The following ATP10A variants were observed in gnomAD, a reference collection of about 807,000 sequenced individuals.
ATP10A encodes ATPase phospholipid transporting 10A (putative), also known as phospholipid-transporting ATPase VA.
ATP10A carries 111 observed loss-of-function variants against 147.8 expected under a neutral mutation model. The observed-to-expected ratio is 0.75, with a 90% confidence interval of 0.64 to 0.88. ATP10A has a LOEUF of 0.88. Among genes scored for constraint, ATP10A ranks in the 40% least tolerant of loss-of-function variants. The pLI is 0.00. For missense variants in ATP10A, 1,927 were observed against 1,959.0 expected (o/e 0.98, Z 0.31); for synonymous variants, 875 against 841.6 (o/e 1.04, Z -0.69).
intron 12 of ATP10A, among the ~76,000 whole-genome samples, chr15:25,703,420 C>T (rs933369022): frequency 2.0e-5 from 3 of 152,210 alleles, no homozygotes; most frequent in East Asian, 3.9e-4. Context: ...TGTGAGAACA[C>T]TGCAAGGAGG....
intron 1 of ATP10A, among the ~76,000 whole-genome samples, chr15:25,794,283 C>A (rs1890564114): frequency 6.6e-6 from 1 of 152,100 alleles, no homozygotes; most frequent in Non-Finnish European, 1.5e-5. Flanking sequence ...ACTAACATCA[C>A]CCTGCCCAGA....
intron 2 of ATP10A, among the ~76,000 whole-genome samples, chr15:25,759,412 A>T (rs1035622919): frequency 4.6e-5 from 7 of 152,170 alleles, no homozygotes; most frequent in African/African-American, 1.4e-4. Context: ...TTAAGTTTTT[A>T]AAAAACTGAG....
chr15:25,813,701 G>A (rs1891527525), intron 1 of ATP10A, among the ~76,000 whole-genome samples: 1 of 152,140 alleles, frequency 6.6e-6, no homozygotes, highest in South Asian at 2.1e-4. Context: ...AATTTTTTAA[G>A]ATCCAAATTG....
chr15:25,823,550 A>G (rs1257476263), intron 1 of ATP10A, among the ~76,000 whole-genome samples: 1 of 152,204 alleles, frequency 6.6e-6, no homozygotes, highest in Non-Finnish European at 1.5e-5. Context: ...TTGTATTTCA[A>G]ATGCTAAGAT....
At chr15:25,746,189 A>T (rs989635456) in intron 2 of ATP10A, among the ~76,000 whole-genome samples, 4 of 152,198 alleles carry the variant, frequency 2.6e-5, no homozygotes, top group African/African-American at 9.6e-5. Flanking sequence ...GGCAAAGAGT[A>T]ACAAAAAGAA....
At chr15:25,692,812 T>C (rs544419366) in intron 14 of ATP10A, among the ~76,000 whole-genome samples, 8 of 152,276 alleles carry the variant, frequency 5.3e-5, no homozygotes, top group African/African-American at 1.9e-4. Context: ...TCTTTTTCTT[T>C]TGAGACAGGG....
chr15:25,747,641 G>A (rs11630955), intron 2 of ATP10A, among the ~76,000 whole-genome samples: 52,051 of 151,838 alleles, frequency 0.34, 10,364 homozygotes, highest in Non-Finnish European at 0.45. Context: ...TAAGTAAAAA[G>A]GACAGATTAA....
downstream of ATP10A, among the ~76,000 whole-genome samples, chr15:25,675,778 TATACAAAAAATACAAA>T (rs1461416286): frequency 2.0e-5 from 3 of 152,168 alleles, no homozygotes; most frequent in Non-Finnish European, 4.4e-5. Context: ...AAAGCCCATC[TATACAAAAAATACAAA>T]AATTAGCCGG....
intron 4 of ATP10A, among the ~76,000 whole-genome samples, chr15:25,726,766 G>A (rs1230080818): frequency 6.6e-6 from 1 of 151,456 alleles, no homozygotes; most frequent in Non-Finnish European, 1.5e-5. Flanking sequence ...AAAACGGTGA[G>A]GGAGGCCGGG....
At chr15:25,772,953 C>T (rs770494257) in intron 2 of ATP10A, among the ~76,000 whole-genome samples, 4 of 152,088 alleles carry the variant, frequency 2.6e-5, no homozygotes, top group South Asian at 2.1e-4. Flanking sequence ...CTGGGGTTCA[C>T]GAAGTCATTT....
intron 1 of ATP10A, among the ~76,000 whole-genome samples, chr15:25,807,646 T>C (rs1229521114): frequency 6.6e-6 from 1 of 151,590 alleles, no homozygotes; most frequent in Non-Finnish European, 1.5e-5. Flanking sequence ...CTATGAAAAA[T>C]ACAAAATTAG....
chr15:25,852,517 C>T (rs1893341633), intron 1 of ATP10A, among the ~76,000 whole-genome samples: 1 of 152,146 alleles, frequency 6.6e-6, no homozygotes, highest in African/African-American at 2.4e-5. Context: ...CCCAACCTCA[C>T]CTCTCAATCC....
At chr15:25,734,356 T>A (rs1887140072) in intron 3 of ATP10A, among the ~76,000 whole-genome samples, 1 of 152,230 alleles carries the variant, frequency 6.6e-6, no homozygotes, top group Admixed American at 6.5e-5. Flanking sequence ...TTTATTTATG[T>A]TTTTTGGTGG....
intron 1 of ATP10A, among the ~76,000 whole-genome samples, chr15:25,805,367 T>C (rs760414839): frequency 9.9e-5 from 15 of 152,198 alleles, no homozygotes; most frequent in Non-Finnish European, 1.9e-4. Context: ...GCCTTCATTG[T>C]TGAAAAAAGG....
chr15:25,691,627 A>G, intron 15 of ATP10A, 88 bp downstream of exon 15: 1 of 1,343,450 alleles, frequency 7.4e-7, no homozygotes, highest in Non-Finnish European at 1.1e-6. Context: ...AGTAGAGCCC[A>G]GAGGAAGTCG....
At chr15:25,733,253 C>T (rs1887050178) in intron 3 of ATP10A, among the ~76,000 whole-genome samples, 1 of 152,148 alleles carries the variant, frequency 6.6e-6, no homozygotes, top group Admixed American at 6.5e-5. Flanking sequence ...TGCAGCTGAG[C>T]CACTTCCTGA....
In ATP10A at chr15:25,862,749, G is replaced by A. The variant is rs1454176358; in HGVS notation, c.348C>T (p.Leu116=). 8 of 1,612,128 alleles carry A rather than the reference G, an allele frequency of 5.0e-6. No individual in the cohort carries two copies. The highest frequency in any genetic ancestry group is 6.8e-6 in the Non-Finnish European group (8 of 1,179,312). ...FQPGLALAPV[L]FILAITAFRD... ...TGAAGGCCGTGATGGCCAGGATGAAGAGCACCGGCGCCAGTGCCAGGCCGG... is the reference window on the plus strand; with the variant it reads ...TGAAGGCCGTGATGGCCAGGATGAAAAGCACCGGCGCCAGTGCCAGGCCGG... The change falls in exon 1 of 21, where the codon CTC becomes CTT. Residue 116 remains leucine, a synonymous_variant. Transcript: ENST00000555815.
At chr15:25,838,264 C>G (rs1242707823) in intron 1 of ATP10A, among the ~76,000 whole-genome samples, 1 of 152,170 alleles carries the variant, frequency 6.6e-6, no homozygotes, top group African/African-American at 2.4e-5. Context: ...AAATAAGAGC[C>G]TAAGAGGCCT....
upstream of ATP10A, among the ~76,000 whole-genome samples, chr15:25,864,633 T>A (rs1893911745): frequency 6.6e-6 from 1 of 151,868 alleles, no homozygotes; most frequent in African/African-American, 2.4e-5. Context: ...AATAATCCCA[T>A]CCCCCAGTCA....
Sources: allele counts gnomAD v4.1 joint callset (sites outside exome capture counted in the v4.1 genomes callset), GRCh38; gene constraint gnomAD v4.1.1; transcripts MANE v1.5; gene names NCBI Gene and HGNC (gene_info 2026-07-23, HGNC 2026-07-21).